Variants in MXI1 observed in about 807,000 individuals in gnomAD.
The protein encoded by MXI1 is MAX interactor 1, dimerization protein, also known as max-interacting protein 1.
MXI1 carries 18 observed loss-of-function variants against 36.9 expected under a neutral mutation model. That is an observed-to-expected ratio of 0.49 (90% confidence interval 0.34 to 0.72). The LOEUF is 0.72. MXI1 is among the 30% of genes least tolerant of loss of function. The pLI is 0.01. For synonymous variants in MXI1, 160 were observed against 146.7 expected (o/e 1.09, Z -0.65); for missense variants, 304 against 379.1 (o/e 0.80, Z 1.64).
chr10:110,220,458 G>C (rs1374189030), intron 1 of MXI1, among the ~76,000 whole-genome samples: 2 of 152,228 alleles, frequency 1.3e-5, no homozygotes, highest in Non-Finnish European at 2.9e-5. Flanking sequence ...CTGAGGCTGA[G>C]AGAACGCAGA....
Position 110,213,639 on chromosome 10 carries a change from A to G in MXI1, c.274+5557A>G, listed in dbSNP as rs556819194. Among the ~76,000 whole-genome samples, 124 of 152,306 alleles carry G rather than the reference A, an allele frequency of 8.1e-4. 2 individuals carry two copies. The highest frequency in any genetic ancestry group is 2.7e-3 in the African/African-American group (114 of 41,558). On this transcript the variant is annotated intron_variant, in intron 1 of 5. Transcript: ENST00000332674. ...TGTGTCCTGGAAAGGAGATCCAGGG[A>G]AAGGGGACAGGGCCTTGGAAGTTAG...
intron 3 of MXI1, among the ~76,000 whole-genome samples, chr10:110,278,759 GA>G (rs1457269054): frequency 2.8e-4 from 43 of 152,184 alleles, no homozygotes; most frequent in African/African-American, 1.0e-3. Flanking sequence ...TAAAAGGTGG[GA>G]GGGGGGAAAT....
chr10:110,266,476 T>C (rs1027969692), intron 3 of MXI1, among the ~76,000 whole-genome samples: 1 of 152,172 alleles, frequency 6.6e-6, no homozygotes, highest in Admixed American at 6.5e-5. Flanking sequence ...TCCCTCTTTT[T>C]GTGGTGGCAA....
chr10:110,276,225 C>T (rs774258780), intron 3 of MXI1, among the ~76,000 whole-genome samples: 5 of 152,188 alleles, frequency 3.3e-5, no homozygotes, highest in East Asian at 1.9e-4. Context: ...AGAAAATCCT[C>T]GCTTTTTCAT....
At chr10:110,264,275 T>C (rs1856613466) in intron 3 of MXI1, among the ~76,000 whole-genome samples, 2 of 152,220 alleles carry the variant, frequency 1.3e-5, no homozygotes, top group South Asian at 4.1e-4. Flanking sequence ...AACTTGTTCC[T>C]GCTGTATTGG....
At chr10:110,235,879 C>T (rs1452600678) in intron 2 of MXI1, among the ~76,000 whole-genome samples, 14 of 151,366 alleles carry the variant, frequency 9.2e-5, no homozygotes, top group African/African-American at 2.4e-4. Context: ...TGGTGGCACA[C>T]GCCAGTAATC....
chr10:110,278,696 G>C (rs1468312010), intron 3 of MXI1, among the ~76,000 whole-genome samples: 1 of 128,982 alleles, frequency 7.8e-6, no homozygotes, highest in Non-Finnish European at 1.5e-5. Flanking sequence ...GTTGTAGAGA[G>C]GTAGGGTGTG....
Position 110,241,095 on chromosome 10 carries a change from T to C in MXI1, c.408-3733T>C, listed in dbSNP as rs1855654264. 2.6e-5 allele frequency among the ~76,000 whole-genome samples: 4 copies of C among 151,968 alleles called. No individual in the cohort carries two copies. In the South Asian group the frequency reaches 8.3e-4, roughly 31 times the overall value. Reference sequence around the variant, plus strand: ...GTTGTAGTCAATGAAAAGTCACATATCTGGTTAAGGTAGTCACATTTCATA... The same window carrying C: ...GTTGTAGTCAATGAAAAGTCACATACCTGGTTAAGGTAGTCACATTTCATA... On this transcript the variant is annotated intron_variant, in intron 2 of 5. Coordinates refer to ENST00000332674, the MANE Select transcript of MXI1 (RefSeq NM_130439.3).
At chr10:110,260,664 ATATT>A (rs1176252108) in intron 3 of MXI1, among the ~76,000 whole-genome samples, 6 of 151,992 alleles carry the variant, frequency 3.9e-5, no homozygotes, top group Non-Finnish European at 5.9e-5. Flanking sequence ...TAAGTAGTAA[ATATT>A]TATATAAGAC....
chr10:110,211,274 C>T (rs1381027374), intron 1 of MXI1, among the ~76,000 whole-genome samples: 2 of 152,132 alleles, frequency 1.3e-5, no homozygotes, highest in Non-Finnish European at 1.5e-5. Context: ...TGGACTTGAC[C>T]TAGCTGCGTC....
chr10:110,244,978 A>G, intron 3 of MXI1, 121 bp downstream of exon 3: 1 of 914,786 alleles, frequency 1.1e-6, no homozygotes, highest in Non-Finnish European at 1.6e-6. Context: ...TGTATAGCCC[A>G]TTGTGAATCT....
intron 3 of MXI1, among the ~76,000 whole-genome samples, chr10:110,271,200 A>T (rs887257013): frequency 2.0e-5 from 3 of 151,900 alleles, no homozygotes; most frequent in Non-Finnish European, 1.5e-5. Context: ...TTTGCTGGTG[A>T]TTTCAGCTGC....
In MXI1 at chr10:110,282,960, G is replaced by C. The variant is rs536208600; in HGVS notation, c.725-1864G>C. Among the ~76,000 whole-genome samples, 66 of 152,196 alleles carry C rather than the reference G, an allele frequency of 4.3e-4. 1 individual carries two copies. Among genetic ancestry groups the C allele is most frequent in the African/African-American group, 1.5e-3 (61 of 41,522 alleles). On this transcript the variant is annotated intron_variant, in intron 5 of 5. Coordinates refer to ENST00000332674, the MANE Select transcript of MXI1 (RefSeq NM_130439.3). ...CCCAAAGTGCTGGGATTATAGGTGT[G>C]AGCCACTGTGTTGGCCATCATTTTA...
At chr10:110,232,068 C>T (rs959470324) in intron 2 of MXI1, among the ~76,000 whole-genome samples, 1 of 152,096 alleles carries the variant, frequency 6.6e-6, no homozygotes, top group Non-Finnish European at 1.5e-5. Flanking sequence ...TCACGCCATT[C>T]TCCTGCCTCA....
chr10:110,282,972 T>G (rs1857308882), intron 5 of MXI1, among the ~76,000 whole-genome samples: 2 of 152,156 alleles, frequency 1.3e-5, no homozygotes, highest in African/African-American at 4.8e-5. Context: ...GCCACTGTGT[T>G]GGCCATCATT....
chr10:110,272,015 A>T (rs1477139003), intron 3 of MXI1, among the ~76,000 whole-genome samples: 1 of 152,100 alleles, frequency 6.6e-6, no homozygotes, highest in Non-Finnish European at 1.5e-5. Flanking sequence ...CCTTTGAGAG[A>T]CATAATCCCA....
chr10:110,251,162 TA>T (rs1176156319), intron 3 of MXI1, among the ~76,000 whole-genome samples: 1 of 151,818 alleles, frequency 6.6e-6, no homozygotes, highest in Non-Finnish European at 1.5e-5. Flanking sequence ...GCAAGGCTAT[TA>T]CATAATTCTG....
chr10:110,230,494 AAGAGAG>A (rs543994998), intron 2 of MXI1, among the ~76,000 whole-genome samples: 2 of 151,784 alleles, frequency 1.3e-5, no homozygotes, highest in East Asian at 3.8e-4. Context: ...AGTAGCAAGA[AAGAGAG>A]AGAGAGAGAA....
chr10:110,227,516 GCTTGGAGGGC>G (rs1398775576), intron 1 of MXI1: 15 of 986,542 alleles, frequency 1.5e-5, no homozygotes, highest in Non-Finnish European at 1.8e-5. Flanking sequence ...CCGTGGAGAA[GCTTGGAGGGC>G]CCCGGAGCGG....
Sources: allele counts gnomAD v4.1 joint callset (sites outside exome capture counted in the v4.1 genomes callset), GRCh38; gene constraint gnomAD v4.1.1; transcripts MANE v1.5; gene names NCBI Gene and HGNC (gene_info 2026-07-23, HGNC 2026-07-21).